The following NDRG3 variants were observed in gnomAD, a reference collection of about 807,000 sequenced individuals.
The protein encoded by NDRG3 is protein NDRG3.
NDRG3 carries 23 observed loss-of-function variants against 57.2 expected under a neutral mutation model. The observed-to-expected ratio is 0.40, with a 90% CI of 0.29 to 0.57. The LOEUF (loss-of-function observed/expected upper bound fraction) is 0.57, where lower values mean the gene tolerates loss of function less well. Ranked by LOEUF, NDRG3 falls within the 20% of genes least tolerant of loss-of-function variation. The pLI is 0.42. For missense variants in NDRG3, 384 were observed against 457.3 expected, an observed-to-expected ratio of 0.84 and a Z score of 1.46; for synonymous variants, 132 against 162.6, an observed-to-expected ratio of 0.81 and a Z score of 1.43.
chr20:36,681,359 C>T (rs371477445), intron 7 of NDRG3, among the ~76,000 whole-genome samples: 2 of 151,860 alleles, frequency 1.3e-5, no homozygotes, highest in East Asian at 3.9e-4. Context: ...AATGTCTGGC[C>T]GGGCACGGTG....
intron 3 of NDRG3, among the ~76,000 whole-genome samples, chr20:36,697,849 G>A (rs1982924398): frequency 1.3e-5 from 2 of 151,598 alleles, no homozygotes; most frequent in African/African-American, 4.8e-5. Context: ...TTTTATGTTA[G>A]TAAATGATAA....
chr20:36,688,762 T>C lies in NDRG3; in HGVS notation c.116A>G (p.His39Arg), dbSNP rs771757002. 3 of 1,613,618 alleles carry C rather than the reference T, an allele frequency of 1.9e-6. No individual in the cohort carries two copies. The highest frequency in any genetic ancestry group is 2.5e-6 in the Non-Finnish European group (3 of 1,179,498). ...TCTTATAGTGACGTGGACCACACCA[T>C]GAGTTGTTTCTATATCATGTTCCTG... ...DCQEHDIETTHGVVHVTIRGL... is the reference protein window; with the variant it reads ...DCQEHDIETTRGVVHVTIRGL... Residue 39 changes from histidine to arginine, a missense_variant, in exon 4 of 16, where the codon CAT (histidine) becomes CGT (arginine). Coordinates refer to ENST00000349004, the MANE Select transcript of NDRG3 (RefSeq NM_032013.4).
At chr20:36,690,101 A>G (rs927925314) in intron 3 of NDRG3, among the ~76,000 whole-genome samples, 2 of 152,170 alleles carry the variant, frequency 1.3e-5, no homozygotes, top group Admixed American at 6.6e-5. Flanking sequence ...TTTAGTAGGC[A>G]TTTCCACTAC....
chr20:36,685,048 T>C (rs1981662404), intron 5 of NDRG3, among the ~76,000 whole-genome samples: 1 of 152,070 alleles, frequency 6.6e-6, no homozygotes, highest in Non-Finnish European at 1.5e-5. Context: ...TGAAAAGAAC[T>C]AGTAACATGG....
rs1159241953 is a variant in NDRG3 at position 36,688,662 on chromosome 20, T to C, written c.199+17A>G. 1 of 1,546,350 alleles carries C rather than the reference T, an allele frequency of 6.5e-7. No homozygotes were observed. Among genetic ancestry groups the C allele is most frequent in the Non-Finnish European group, 8.9e-7 (1 of 1,118,228 alleles). On this transcript the variant is annotated intron_variant, in intron 4 of 15. Transcript: ENST00000349004. ...TCAAGTATGATAAGAAGGGAAGGTGTAAAATAAAATACATACGGTTGAGGC... is the reference window on the plus strand; with the variant it reads ...TCAAGTATGATAAGAAGGGAAGGTGCAAAATAAAATACATACGGTTGAGGC...
chr20:36,679,328 T>C (rs188913304), intron 8 of NDRG3, among the ~76,000 whole-genome samples: 5 of 152,216 alleles, frequency 3.3e-5, no homozygotes, highest in African/African-American at 4.8e-5. Flanking sequence ...CCCTATGACA[T>C]AGCAATTTCA....
At chr20:36,659,675 A>T (rs947559515) in intron 13 of NDRG3, among the ~76,000 whole-genome samples, 2 of 152,000 alleles carry the variant, frequency 1.3e-5, no homozygotes, top group African/African-American at 4.8e-5. Context: ...ATCTCAGCTC[A>T]CTGCAACCTC....
intron 1 of NDRG3, among the ~76,000 whole-genome samples, chr20:36,725,600 T>TAA (rs548128722): frequency 1.3e-4 from 11 of 82,394 alleles, no homozygotes; most frequent in African/African-American, 3.8e-4. Context: ...AGACTCCGTC[T>TAA]AAAAAAAAAA....
intron 9 of NDRG3, among the ~76,000 whole-genome samples, chr20:36,667,899 T>C (rs1302840381): frequency 6.6e-6 from 1 of 152,178 alleles, no homozygotes; most frequent in African/African-American, 2.4e-5. Flanking sequence ...GAAAACTTTG[T>C]GAGAGTCCCA....
At chr20:36,659,397 G>C (rs1978959403) in intron 13 of NDRG3, among the ~76,000 whole-genome samples, 1 of 151,952 alleles carries the variant, frequency 6.6e-6, no homozygotes, top group Non-Finnish European at 1.5e-5. Context: ...CAAAGTGTTG[G>C]GATTATAGGT....
At chr20:36,732,849 C>G (rs1166347594) in intron 1 of NDRG3, among the ~76,000 whole-genome samples, 1 of 152,022 alleles carries the variant, frequency 6.6e-6, no homozygotes, top group African/African-American at 2.4e-5. Flanking sequence ...ATTTCAAGCA[C>G]TTAAAAACAT....
intron 3 of NDRG3, among the ~76,000 whole-genome samples, chr20:36,695,509 G>A (rs762898761): frequency 6.6e-5 from 10 of 152,278 alleles, no homozygotes; most frequent in Non-Finnish European, 1.2e-4. Flanking sequence ...GGAAAAGAAC[G>A]CATTCCTGGG....
intron 3 of NDRG3, among the ~76,000 whole-genome samples, chr20:36,699,907 G>C (rs1389513267): frequency 6.6e-6 from 1 of 151,940 alleles, no homozygotes; most frequent in Non-Finnish European, 1.5e-5. Context: ...CGGATCACGA[G>C]GTCAGGAATT....
intron 2 of NDRG3, among the ~76,000 whole-genome samples, chr20:36,709,033 T>G (rs1281972069): frequency 6.6e-6 from 1 of 151,878 alleles, no homozygotes; most frequent in African/African-American, 2.4e-5. Context: ...AGTGAAACTG[T>G]CTCAAAAAAA....
chr20:36,708,881 A>G (rs2148172847), intron 2 of NDRG3, among the ~76,000 whole-genome samples: 1 of 152,058 alleles, frequency 6.6e-6, no homozygotes, highest in African/African-American at 2.4e-5. Context: ...TCTATTAAAA[A>G]TACAAAATTA....
intron 7 of NDRG3, among the ~76,000 whole-genome samples, chr20:36,681,389 G>A (rs569754378): frequency 1.2e-4 from 19 of 152,028 alleles, no homozygotes; most frequent in African/African-American, 3.1e-4. Flanking sequence ...TGTAATCTCC[G>A]CACTTTGGGA....
intron 2 of NDRG3, among the ~76,000 whole-genome samples, chr20:36,721,299 G>A (rs763902312): frequency 1.3e-5 from 2 of 151,894 alleles, no homozygotes; most frequent in Non-Finnish European, 2.9e-5. Context: ...GGGAGGCCAT[G>A]GCGGGAGGAT....
chr20:36,744,979 G>T (rs928708536), intron 1 of NDRG3, among the ~76,000 whole-genome samples: 4 of 150,900 alleles, frequency 2.7e-5, no homozygotes, highest in African/African-American at 9.7e-5. Context: ...GGGGGGGGGG[G>T]GCGCGGCGGG....
chr20:36,690,999 T>C (rs376090750), intron 3 of NDRG3, among the ~76,000 whole-genome samples: 13 of 152,408 alleles, frequency 8.5e-5, no homozygotes, highest in African/African-American at 3.1e-4. Context: ...TCAAGTTTTA[T>C]ATTTCTCAAA....
Sources: gnomAD v4.1 joint callset for allele counts (sites outside exome capture counted in the v4.1 genomes callset) on GRCh38, gnomAD v4.1.1 for gene constraint, MANE v1.5 for transcripts, NCBI Gene and HGNC (gene_info 2026-07-23, HGNC 2026-07-21) for gene names.